Variants in BOD1L1 observed in about 807,000 individuals in gnomAD.
The protein encoded by BOD1L1 is biorientation of chromosomes in cell division 1 like 1.
BOD1L1 carries 86 observed loss-of-function variants against 240.7 expected under a neutral mutation model. That is an observed-to-expected ratio of 0.36 (90% CI 0.30 to 0.43). BOD1L1 has a LOEUF of 0.43. BOD1L1 is among the 20% of genes least tolerant of loss of function. BOD1L1 has a pLI of 1.00. For synonymous variants in BOD1L1, 1,268 were observed against 1,272.3 expected (o/e 1.00, Z 0.07); for missense variants, 3,554 against 3,643.5 (o/e 0.98, Z 0.63).
Position 13,600,472 on chromosome 4 carries a change from A to C in BOD1L1, c.6428T>G (p.Met2143Arg). The change falls in exon 10 of 26, where the codon ATG becomes AGG. Residue 2143 changes from methionine (M) to arginine (R), a missense_variant. Met to Arg is a moderately conservative substitution (Grantham distance 91). Coordinates refer to ENST00000040738, the MANE Select transcript of BOD1L1 (RefSeq NM_148894.3). ...SRSEEKDECA[M>R]ISTSIGEEFE... is the part of the protein sequence containing the mutation. ...TTCTTCCCCTATGCTTGTGGAAATCATGGCACACTCATCTTTCTCTTCACT... is the reference window on the plus strand; with the variant it reads ...TTCTTCCCCTATGCTTGTGGAAATCCTGGCACACTCATCTTTCTCTTCACT... 6.2e-7 allele frequency: 1 copy of C among 1,613,940 alleles called. No individual in the cohort carries two copies.
chr4:13,583,941 G>T (rs1713435323), intron 17 of BOD1L1, among the ~76,000 whole-genome samples: 1 of 152,154 alleles, frequency 6.6e-6, no homozygotes, highest in African/African-American at 2.4e-5. Flanking sequence ...AGTCCTCTGT[G>T]TTGTGGGACT....
chr4:13,613,443 T>C lies in BOD1L1; in HGVS notation c.1324+69A>G, dbSNP rs960613027. On this transcript the variant is annotated intron_variant, in intron 5 of 25. Transcript: ENST00000040738. This position sits in a 1 kb window ranked among gnomAD's most constrained non-coding sequence, Gnocchi z 4.0. The stretch of plus-strand genomic sequence containing the variant: ...CTATACCACACTGTTTCTCAGGATA[T>C]AGCCATCAGAATATACAAATAATGC... The C allele has an allele frequency of 5.7e-6, 8 of 1,392,598 alleles. No individual in the cohort carries two copies. Among genetic ancestry groups the C allele is most frequent in the Non-Finnish European group, 7.9e-6 (8 of 1,014,232 alleles). The allele number at this position is 1,392,598 out of a possible 1,614,324, so 86.3% of individuals were successfully genotyped here. A position where few individuals can be genotyped will look rare whatever the true frequency, so the allele number is the denominator to read the frequency against.
chr4:13,569,189 ACAG>A lies in BOD1L1; in HGVS notation c.*819_*821del, dbSNP rs1236906941. 1 of 152,230 alleles carries A rather than the reference ACAG, an allele frequency of 6.6e-6. No individual in the cohort carries two copies. The highest frequency in any genetic ancestry group is 1.5e-5 in the Non-Finnish European group (1 of 68,040). 9.4% of individuals were successfully genotyped at this position (152,230 alleles called of 1,614,324 possible). A position where few individuals can be genotyped will look rare whatever the true frequency, so the allele number is the denominator to read the frequency against. On this transcript the variant is annotated 3_prime_UTR_variant, in exon 26 of 26. Coordinates refer to ENST00000040738, the MANE Select transcript of BOD1L1 (RefSeq NM_148894.3). ...GTATTGGTAGAAGCTTCAGAACAGCACAGAAGAGGAATGAACACAGAGAAGAGG... is the reference window on the plus strand; with the variant it reads ...GTATTGGTAGAAGCTTCAGAACAGCAAAGAGGAATGAACACAGAGAAGAGG...
rs143684026 is a variant in BOD1L1 at position 13,604,235 on chromosome 4, G to A, written c.2665C>T (p.Pro889Ser). The A allele has an allele frequency of 6.2e-7, 1 of 1,613,498 alleles. No homozygotes were observed. Among genetic ancestry groups the A allele is most frequent in the Non-Finnish European group, 8.5e-7 (1 of 1,179,800 alleles). ...DSTNMDSNLK[P>S]EEVVHKEKRR... ...TTCTCCTTGTGAACAACCTCTTCTG[G>A]TTTCAAATTACTATCCATGTTAGTG... is the stretch of plus-strand genomic sequence containing the variant. Residue 889 changes from proline to serine, a missense_variant, in exon 10 of 26, where the codon CCA (proline) becomes TCA (serine). Transcript: ENST00000040738.
At chr4:13,620,319 G>A (rs185478410) in intron 1 of BOD1L1, among the ~76,000 whole-genome samples, 3 of 152,318 alleles carry the variant, frequency 2.0e-5, no homozygotes, top group Admixed American at 1.3e-4. Flanking sequence ...ACGAACAAGT[G>A]TTATTATTAG....
intron 25 of BOD1L1, among the ~76,000 whole-genome samples, chr4:13,573,409 C>G (rs966137760): frequency 7.1e-5 from 10 of 140,346 alleles, no homozygotes; most frequent in African/African-American, 2.6e-4. Flanking sequence ...ACAGAGTTTG[C>G]TTCTATCTAT....
chr4:13,627,246 G>T, intron 1 of BOD1L1, 99 bp downstream of exon 1: 1 of 540,396 alleles, frequency 1.9e-6, no homozygotes. Flanking sequence ...ACAGTCCGTG[G>T]CACACAGCTG....
intron 12 of BOD1L1, 73 bp from the exon 13 acceptor site, chr4:13,592,039 AT>A: frequency 8.4e-7 from 1 of 1,192,096 alleles, no homozygotes; most frequent in Admixed American, 2.7e-5. Flanking sequence ...AAATTTGAAG[AT>A]TTTTAGGATA....
rs1715113374 is a variant in BOD1L1 at position 13,601,102 on chromosome 4, C to T, written c.5798G>A (p.Ser1933Asn). The T allele has an allele frequency of 1.9e-6, 3 of 1,613,858 alleles. No homozygotes were observed. The highest frequency in any genetic ancestry group is 2.2e-5 in the South Asian group (2 of 91,088). ...IMNANENNVDSMSGTEKGSKD... is the reference protein window; with the variant it reads ...IMNANENNVDNMSGTEKGSKD... ...ACTTCCTTTCTCTGTGCCACTCATG[C>T]TGTCAACATTATTTTCATTTGCATT... The change falls in exon 10 of 26, where the codon AGC (serine) becomes AAC (asparagine). Residue 1933 changes from serine (S) to asparagine (N), a missense_variant. Physicochemically the swap from Ser to Asn is conservative, Grantham distance 46. Coordinates refer to ENST00000040738, the MANE Select transcript of BOD1L1 (RefSeq NM_148894.3).
At chr4:13,570,423 G>A (rs865788884) in intron 25 of BOD1L1, among the ~76,000 whole-genome samples, 2 of 152,098 alleles carry the variant, frequency 1.3e-5, no homozygotes, top group African/African-American at 2.4e-5. Flanking sequence ...TCCTTCTCTG[G>A]GCCCTAGTTC....
chr4:13,606,634 C>T (rs537867666), intron 9 of BOD1L1, among the ~76,000 whole-genome samples: 15 of 152,208 alleles, frequency 9.9e-5, no homozygotes, highest in African/African-American at 3.6e-4. Context: ...ATGGTATGTA[C>T]ATTATATGTA....
Position 13,613,925 on chromosome 4 carries a change from C to A in BOD1L1, c.1175-264G>T, listed in dbSNP as rs1327808241. ...TACTACCTAATAAAAATTAGGATAT[C>A]CAACTATGAACTAAGTTGCTTAAAA... On this transcript the variant is annotated intron_variant, in intron 4 of 25. Transcript: ENST00000040738. The surrounding 1 kb of genome is among the most constrained non-coding windows in gnomAD (Gnocchi z 4.0). 1.3e-5 allele frequency among the ~76,000 whole-genome samples: 2 copies of A among 151,842 alleles called. No homozygotes were observed. The highest frequency in any genetic ancestry group is 2.9e-5 in the Non-Finnish European group (2 of 67,960).
chr4:13,581,791 T>C (rs976201208), intron 19 of BOD1L1, among the ~76,000 whole-genome samples: 2 of 152,130 alleles, frequency 1.3e-5, no homozygotes, highest in African/African-American at 4.8e-5. Context: ...CCTCCAGGAA[T>C]CCATGACCTT....
intron 17 of BOD1L1, 33 bp downstream of exon 17, chr4:13,586,363 C>A: frequency 6.6e-7 from 1 of 1,512,700 alleles, no homozygotes; most frequent in South Asian, 1.2e-5. Context: ...CTACCCCCAC[C>A]CAAAACTTAA....
Position 13,576,970 on chromosome 4 carries a change from T to G in BOD1L1, c.8906A>C (p.Lys2969Thr), listed in dbSNP as rs1207081486. Reference protein sequence around the residue: ...DDAESSEPERKRQKSVSDPVE... With the variant: ...DDAESSEPERTRQKSVSDPVE... ...TGGATCAGAAACTGATTTCTGGCGT[T>G]TTCTTTCTGGCTCTGAGGATTCTGT... is the stretch of plus-strand genomic sequence containing the variant. Residue 2969 changes from lysine to threonine, a missense_variant, in exon 25 of 26, where the codon AAA becomes ACA. By Grantham distance (78) the Lys-to-Thr change is moderately conservative. Around this residue, in one of 2 missense-constraint regions of BOD1L1, gnomAD observed 3,393 missense variants for 3,427.1 expected, o/e 0.99. Coordinates refer to ENST00000040738, the MANE Select transcript of BOD1L1 (RefSeq NM_148894.3). 6.2e-7 allele frequency: 1 copy of G among 1,613,944 alleles called. No individual in the cohort carries two copies. The highest frequency in any genetic ancestry group is 2.2e-5 in the East Asian group (1 of 44,880).
chr4:13,584,109 T>C (rs1713450410), intron 17 of BOD1L1, among the ~76,000 whole-genome samples: 1 of 152,222 alleles, frequency 6.6e-6, no homozygotes, highest in South Asian at 2.1e-4. Context: ...AGATTACTTT[T>C]TAAGATTTTT....
chr4:13,605,927 G>A (rs1452058707), intron 9 of BOD1L1, among the ~76,000 whole-genome samples: 1 of 152,136 alleles, frequency 6.6e-6, no homozygotes, highest in African/African-American at 2.4e-5. Flanking sequence ...CCTGTGGTTT[G>A]GCACTAAGTA....
intron 2 of BOD1L1, among the ~76,000 whole-genome samples, chr4:13,617,282 C>CA (rs35413755): frequency 0.2 from 29,756 of 149,122 alleles, 3,689 homozygotes; most frequent in African/African-American, 0.34. Context: ...AAAAAAGTAC[C>CA]AAAAAAAAAT....
chr4:13,576,431 T>C (rs1712748059), intron 25 of BOD1L1, among the ~76,000 whole-genome samples: 1 of 152,184 alleles, frequency 6.6e-6, no homozygotes, highest in Admixed American at 6.5e-5. Flanking sequence ...GTGAGATGCA[T>C]GTGATGACGG....
Sources: gnomAD v4.1 joint callset for allele counts (sites outside exome capture counted in the v4.1 genomes callset) on GRCh38, gnomAD v4.1.1 for gene constraint, gnomAD v4.1.1 regional missense constraint, Gnocchi (gnomAD v3.1) non-coding constraint, MANE v1.5 for transcripts, NCBI Gene and HGNC (gene_info 2026-07-23, HGNC 2026-07-21) for gene names.